BAZ1A: variants seen among roughly 807,000 people sequenced by gnomAD.
BAZ1A encodes the protein bromodomain adjacent to zinc finger domain protein 1A.
Under a neutral mutation model 185.2 loss-of-function variants are expected in BAZ1A, and 50 were observed. The observed-to-expected ratio is 0.27, with a 90% confidence interval of 0.22 to 0.34. The LOEUF is 0.34. BAZ1A is among the 10% of genes least tolerant of loss of function. BAZ1A has a pLI of 1.00. For synonymous variants in BAZ1A, 571 were observed against 615.6 expected (o/e 0.93, Z 1.07); for missense variants, 1,356 against 1,839.9 (o/e 0.74, Z 4.81).
chr14:34,766,180 G>A (rs907526607), intron 21 of BAZ1A, among the ~76,000 whole-genome samples: 1 of 152,176 alleles, frequency 6.6e-6, no homozygotes, highest in Middle Eastern at 3.4e-3. Context: ...TGCCTCTAAG[G>A]GTTGCTGGAA....
intron 14 of BAZ1A, among the ~76,000 whole-genome samples, chr14:34,784,552 C>CT (rs1279486085): frequency 6.6e-6 from 1 of 151,490 alleles, no homozygotes; most frequent in Non-Finnish European, 1.5e-5. Flanking sequence ...GAGTCTCGCT[C>CT]TGACGCCCAG....
At chr14:34,810,651 G>T (rs2041916686) in intron 5 of BAZ1A, among the ~76,000 whole-genome samples, 1 of 151,820 alleles carries the variant, frequency 6.6e-6, no homozygotes. Context: ...ATAGAGACAG[G>T]GTCTTGCCAC....
chr14:34,765,365 A>G (rs1878770078), intron 21 of BAZ1A, 97 bp from the exon 22 acceptor site: 1 of 1,423,666 alleles, frequency 7.0e-7, no homozygotes, highest in Admixed American at 2.3e-5. Context: ...GTTAGATTTT[A>G]CATTTCTTTT....
intron 24 of BAZ1A, among the ~76,000 whole-genome samples, chr14:34,760,382 T>A (rs1886470536): frequency 1.3e-5 from 2 of 152,140 alleles, no homozygotes; most frequent in African/African-American, 4.8e-5. Context: ...ATCTGGTGAC[T>A]GCATAAACAG....
intron 4 of BAZ1A, 74 bp downstream of exon 4, chr14:34,825,939 A>AG: frequency 7.1e-7 from 1 of 1,411,026 alleles, no homozygotes; most frequent in Non-Finnish European, 9.4e-7. Context: ...CTCTATCTCA[A>AG]AAAAAAAGTT....
intron 9 of BAZ1A, among the ~76,000 whole-genome samples, chr14:34,798,239 C>T (rs531423377): frequency 1.3e-5 from 2 of 152,258 alleles, no homozygotes; most frequent in East Asian, 1.9e-4. Flanking sequence ...AGGCCTGCTG[C>T]GTCTGTAGAC....
chr14:34,782,410 T>A (rs1880095208), intron 16 of BAZ1A, among the ~76,000 whole-genome samples: 1 of 152,200 alleles, frequency 6.6e-6, no homozygotes, highest in Non-Finnish European at 1.5e-5. Context: ...AATTGGGTTG[T>A]TTTTAAGATT....
intron 24 of BAZ1A, among the ~76,000 whole-genome samples, chr14:34,759,821 C>G (rs781032069): frequency 2.0e-5 from 3 of 151,980 alleles, no homozygotes; most frequent in Non-Finnish European, 4.4e-5. Flanking sequence ...ATTAAAGGTG[C>G]CTGCTACCAC....
At chr14:34,871,899 G>A (rs1003286129) in intron 2 of BAZ1A, among the ~76,000 whole-genome samples, 1 of 152,128 alleles carries the variant, frequency 6.6e-6, no homozygotes, top group Non-Finnish European at 1.5e-5. Context: ...AGAGGTTTCC[G>A]TCATAGTTTT....
intron 21 of BAZ1A, among the ~76,000 whole-genome samples, chr14:34,769,671 A>G (rs1445251989): frequency 6.6e-6 from 1 of 152,222 alleles, no homozygotes; most frequent in Non-Finnish European, 1.5e-5. Flanking sequence ...AATAAGCAAT[A>G]TTGTGTCTTA....
In BAZ1A at chr14:34,780,260, T is replaced by C; in HGVS notation, c.2162A>G (p.Glu721Gly). 1 of 1,613,686 alleles carries C rather than the reference T, an allele frequency of 6.2e-7. No homozygotes were observed. Among genetic ancestry groups the C allele is most frequent in the Non-Finnish European group, 8.5e-7 (1 of 1,179,798 alleles). Residue 721 changes from glutamate (E) to glycine (G), a missense_variant, in exon 17 of 27, where the codon GAG becomes GGG. Coordinates refer to ENST00000360310, the MANE Select transcript of BAZ1A (RefSeq NM_013448.3). ...CATATCTTGATCTAATTCCTTTTGC[T>C]CTGTGTCTTTGCTCTCAATGCTAGT... ...FDTSIESKDT[E>G]QKELDQDMVT...
intron 3 of BAZ1A, among the ~76,000 whole-genome samples, chr14:34,846,961 G>A (rs897416100): frequency 6.6e-6 from 1 of 152,128 alleles, no homozygotes; most frequent in Non-Finnish European, 1.5e-5. Flanking sequence ...ATTAAAAATT[G>A]TATCATCAGC....
intron 3 of BAZ1A, among the ~76,000 whole-genome samples, chr14:34,852,225 G>A (rs906773872): frequency 2.0e-5 from 3 of 152,096 alleles, no homozygotes; most frequent in African/African-American, 7.2e-5. Flanking sequence ...GTTAACTTTT[G>A]GAGTTTCCTT....
chr14:34,861,974 C>T (rs1189041937), intron 3 of BAZ1A, 70 bp downstream of exon 3: 2 of 1,526,430 alleles, frequency 1.3e-6, no homozygotes, highest in Non-Finnish European at 1.8e-6. Context: ...TAGGTCACCA[C>T]TTTGTGTGTT....
chr14:34,819,885 A>G (rs1451354180), intron 4 of BAZ1A, among the ~76,000 whole-genome samples: 2 of 152,136 alleles, frequency 1.3e-5, no homozygotes, highest in African/African-American at 4.8e-5. Flanking sequence ...TTTCACTTCC[A>G]CCAGCAATAA....
At chr14:34,869,843 T>A (rs1400948831) in intron 2 of BAZ1A, among the ~76,000 whole-genome samples, 1 of 152,178 alleles carries the variant, frequency 6.6e-6, no homozygotes, top group Non-Finnish European at 1.5e-5. Flanking sequence ...AAAGAAATGA[T>A]ATTGAGTGAC....
chr14:34,868,679 T>G (rs932170873), intron 2 of BAZ1A, among the ~76,000 whole-genome samples: 1 of 151,888 alleles, frequency 6.6e-6, no homozygotes, highest in African/African-American at 2.4e-5. Context: ...CAGGAGCCTG[T>G]AATCCTAGCT....
intron 4 of BAZ1A, among the ~76,000 whole-genome samples, chr14:34,821,046 G>A (rs959318373): frequency 4.6e-5 from 7 of 152,120 alleles, no homozygotes; most frequent in African/African-American, 1.2e-4. Flanking sequence ...TGGGTCTCCC[G>A]TCTCTCCATA....
At chr14:34,821,811 C>A (rs1055253631) in intron 4 of BAZ1A, among the ~76,000 whole-genome samples, 4 of 151,626 alleles carry the variant, frequency 2.6e-5, no homozygotes, top group Non-Finnish European at 4.4e-5. Context: ...ATGGAGAAAC[C>A]CCATTTCTAT....
Sources: gnomAD v4.1 joint callset for allele counts (sites outside exome capture counted in the v4.1 genomes callset) on GRCh38, gnomAD v4.1.1 for gene constraint, MANE v1.5 for transcripts, NCBI Gene and HGNC (gene_info 2026-07-23, HGNC 2026-07-21) for gene names.